Variants in CTNNB1 observed in about 807,000 individuals in gnomAD.
CTNNB1 encodes catenin beta 1.
CTNNB1 carries 6 observed loss-of-function variants against 82.5 expected under a neutral mutation model. That is an observed-to-expected ratio of 0.07 (90% CI 0.04 to 0.14). The LOEUF (loss-of-function observed/expected upper bound fraction) is 0.14, where lower values mean the gene tolerates loss of function less well. Ranked by LOEUF, CTNNB1 falls within the 10% of genes least tolerant of loss-of-function variation. CTNNB1 has a pLI of 1.00. For synonymous variants in CTNNB1, 312 were observed against 329.7 expected, an observed-to-expected ratio of 0.95 and a Z score of 0.58; for missense variants, 529 against 980.4, an observed-to-expected ratio of 0.54 and a Z score of 6.15.
chr3:41,235,391 T>C, intron 10 of CTNNB1: 1 of 305,690 alleles, frequency 3.3e-6, no homozygotes, highest in South Asian at 4.1e-5. Context: ...AACGTTGACA[T>C]AGTCTGAGCA....
At chr3:41,216,640 C>T (rs1340151941) in intron 1 of CTNNB1, among the ~76,000 whole-genome samples, 1 of 152,152 alleles carries the variant, frequency 6.6e-6, no homozygotes, top group African/African-American at 2.4e-5. Flanking sequence ...TTTCATAGGC[C>T]ATCTAGCTTT....
chr3:41,200,432 G>A (rs2077501630), intron 1 of CTNNB1: 1 of 152,250 alleles, frequency 6.6e-6, no homozygotes, highest in Admixed American at 6.5e-5. Flanking sequence ...ATTTATGGTA[G>A]TGGGTATGAG....
chr3:41,227,174 T>G, intron 6 of CTNNB1, 34 bp from the exon 7 acceptor site: 1 of 1,568,616 alleles, frequency 6.4e-7, no homozygotes, highest in South Asian at 1.1e-5. Flanking sequence ...TCAAGATTCC[T>G]TGACTAACAA....
At chr3:41,229,855 T>C (rs998717680) in intron 7 of CTNNB1, among the ~76,000 whole-genome samples, 1 of 150,270 alleles carries the variant, frequency 6.7e-6, no homozygotes, top group Non-Finnish European at 1.5e-5. Context: ...ATAGATGGTT[T>C]GTACTAGGGC....
Position 41,224,956 on chromosome 3 carries a change from A to G in CTNNB1, c.244A>G (p.Ile82Val), listed in dbSNP as rs773781329. 6 of 1,614,034 alleles carry G rather than the reference A, an allele frequency of 3.7e-6. No homozygotes were observed. The highest frequency in any genetic ancestry group is 2.2e-5 in the East Asian group (1 of 44,882). ...AGTGTTGAATTAACCTTTTCCAGAT[A>G]TTGATGGACAGTATGCAATGACTCG... The part of the protein sequence containing the change: ...QSFTQEQVAD[I>V]DGQYAMTRAQ... The change falls in exon 4 of 15, where the codon ATT becomes GTT. Residue 82 changes from isoleucine (I) to valine (V), a missense_variant and splice_region_variant. Physicochemically the swap from Ile to Val is conservative, Grantham distance 29. This residue lies in a region of CTNNB1 where 411 missense variants were observed against 776.4 expected (regional missense o/e 0.53). Coordinates refer to ENST00000349496, the MANE Select transcript of CTNNB1 (RefSeq NM_001904.4).
At position 41,240,383 on chromosome 3, in the gene CTNNB1, G is replaced by C. The variant is rs141130241; in HGVS notation, c.*1041G>C. ...AAGTTGTTGTAACCTGCTGTGATAC[G>C]ATGCTTCAAGAGAAAATGCGGTTAT... On this transcript the variant is annotated 3_prime_UTR_variant, in exon 15 of 15. Transcript: ENST00000349496. 16 of 184,562 alleles carry C rather than the reference G, an allele frequency of 8.7e-5. No individual in the cohort carries two copies. The East Asian group carries it at 1.4e-3, about 16-fold the overall frequency. 11.4% of individuals were successfully genotyped at this position (184,562 alleles called of 1,614,324 possible).
intron 1 of CTNNB1, among the ~76,000 whole-genome samples, chr3:41,201,865 T>TTAA (rs2077539960): frequency 6.6e-6 from 1 of 152,174 alleles, no homozygotes; most frequent in Non-Finnish European, 1.5e-5. Flanking sequence ...CTGAGCTTAC[T>TTAA]GTTCCTGTTA....
rs1480784471 is a variant in CTNNB1 at position 41,226,185 on chromosome 3, C to T, written c.936+324C>T. The stretch of plus-strand genomic sequence containing the variant: ...AGCCAGGTAATGCTCGCTCACCTGC[C>T]ACTTACCTCCTGCTGTGCAGCCCAG... On this transcript the variant is annotated intron_variant, in intron 6 of 14. Coordinates refer to ENST00000349496, the MANE Select transcript of CTNNB1 (RefSeq NM_001904.4). Among the ~76,000 whole-genome samples, 3 of 152,210 alleles carry T rather than the reference C, an allele frequency of 2.0e-5. No individual in the cohort carries two copies. The South Asian group carries it at 6.2e-4, about 32-fold the overall frequency.
chr3:41,205,512 TG>T (rs2077630361), intron 1 of CTNNB1, among the ~76,000 whole-genome samples: 1 of 151,952 alleles, frequency 6.6e-6, no homozygotes, highest in African/African-American at 2.4e-5. Flanking sequence ...CTGGCCGACG[TG>T]GTGAATACAA....
chr3:41,215,402 A>AC (rs1160512630), intron 1 of CTNNB1, among the ~76,000 whole-genome samples: 11 of 148,806 alleles, frequency 7.4e-5, no homozygotes, highest in African/African-American at 1.5e-4. Context: ...AAAAAAAAAA[A>AC]AACACTCTTA....
At chr3:41,204,178 G>A (rs551433460) in intron 1 of CTNNB1, among the ~76,000 whole-genome samples, 52 of 152,016 alleles carry the variant, frequency 3.4e-4, no homozygotes, top group Non-Finnish European at 5.6e-4. Context: ...CTCCATCAAG[G>A]ACCATACTTG....
intron 7 of CTNNB1, among the ~76,000 whole-genome samples, chr3:41,231,335 A>C (rs568034978): frequency 1.8e-4 from 27 of 152,006 alleles, no homozygotes; most frequent in African/African-American, 6.3e-4. Flanking sequence ...TCAAAAAAAA[A>C]AAAAAGGGAA....
chr3:41,207,307 A>C (rs192501869), intron 1 of CTNNB1, among the ~76,000 whole-genome samples: 2 of 152,312 alleles, frequency 1.3e-5, no homozygotes, highest in African/African-American at 4.8e-5. Context: ...ATTTTTTAGA[A>C]GAATACTTCT....
At chr3:41,218,918 T>C (rs1405933290) in intron 1 of CTNNB1, among the ~76,000 whole-genome samples, 3 of 152,324 alleles carry the variant, frequency 2.0e-5, no homozygotes, top group African/African-American at 7.2e-5. Context: ...CCAGGCCTCC[T>C]GTATTGATAG....
chr3:41,236,167 A>C (rs1027732294), intron 11 of CTNNB1, 182 bp from the exon 12 acceptor site: 21 of 842,348 alleles, frequency 2.5e-5, no homozygotes, highest in Admixed American at 1.2e-4. Context: ...TAGCTAAAAA[A>C]TATTATGGAA....
At chr3:41,213,304 T>A (rs1294798955) in intron 1 of CTNNB1, among the ~76,000 whole-genome samples, 2 of 152,242 alleles carry the variant, frequency 1.3e-5, no homozygotes, top group Non-Finnish European at 2.9e-5. Flanking sequence ...GCTGGCCCTT[T>A]TGCATCCTTC....
chr3:41,221,723 A>G (rs553517658), intron 1 of CTNNB1: 54 of 152,268 alleles, frequency 3.5e-4, no homozygotes, highest in African/African-American at 1.3e-3. Context: ...CTTGACTGAA[A>G]TGTCCTTATG....
At chr3:41,217,084 A>C (rs11564443) in intron 1 of CTNNB1, among the ~76,000 whole-genome samples, 1,816 of 152,176 alleles carry the variant, frequency 0.012, 38 homozygotes, top group African/African-American at 0.041. Context: ...TCTGATTCTC[A>C]TCTCTGTCTC....
At position 41,239,405 on chromosome 3, in the gene CTNNB1, C is replaced by T. The variant is rs1248821066; in HGVS notation, c.*63C>T. 3 of 1,429,964 alleles carry T rather than the reference C, an allele frequency of 2.1e-6. No homozygotes were observed. Among genetic ancestry groups the T allele is most frequent in the Non-Finnish European group, 2.9e-6 (3 of 1,033,766 alleles). The allele number at this position is 1,429,964 out of a possible 1,614,324, so 88.6% of individuals were successfully genotyped here. A position where few individuals can be genotyped will look rare whatever the true frequency, so the allele number is the denominator to read the frequency against. Reference sequence around the variant, plus strand: ...GGGTAAAATACTTTTACTCTGCCTACAGAACTTCAGAAAGACTTGGTTGGT... The same window carrying T: ...GGGTAAAATACTTTTACTCTGCCTATAGAACTTCAGAAAGACTTGGTTGGT... On this transcript the variant is annotated 3_prime_UTR_variant, in exon 15 of 15. Transcript: ENST00000349496.
Sources: allele counts gnomAD v4.1 joint callset (sites outside exome capture counted in the v4.1 genomes callset), GRCh38; gene constraint gnomAD v4.1.1; regional missense constraint gnomAD v4.1.1; transcripts MANE v1.5; gene names NCBI Gene and HGNC (gene_info 2026-07-23, HGNC 2026-07-21).